Variants in REV3L observed in about 807,000 individuals in gnomAD.
REV3L encodes the protein REV3 like, DNA directed polymerase zeta catalytic subunit.
A neutral mutation model predicts 299.4 loss-of-function variants in REV3L; 69 were observed. The observed-to-expected ratio is 0.23, with a 90% CI of 0.19 to 0.28. The LOEUF is 0.28. REV3L is among the 10% of genes least tolerant of loss of function. REV3L has a pLI of 1.00. For missense variants in REV3L, 3,128 were observed against 3,693.8 expected (o/e 0.85, Z 3.97); for synonymous variants, 1,238 against 1,271.4 (o/e 0.97, Z 0.56).
At chr6:111,335,366 T>A in intron 22 of REV3L, 103 bp downstream of exon 22, 1 of 1,254,070 alleles carries the variant, frequency 8.0e-7, no homozygotes, top group Non-Finnish European at 1.1e-6. Flanking sequence ...TATTGATTAG[T>A]TGGTACCAAA....
intron 1 of REV3L, among the ~76,000 whole-genome samples, chr6:111,428,466 C>T (rs936280128): frequency 2.0e-5 from 3 of 151,202 alleles, no homozygotes; most frequent in Non-Finnish European, 4.4e-5. Flanking sequence ...AACTAAATAA[C>T]CTACAAGACA....
intron 24 of REV3L, chr6:111,330,969 T>A: frequency 1.0e-6 from 1 of 984,876 alleles, no homozygotes; most frequent in African/African-American, 1.7e-5. Context: ...ACTTTTGATA[T>A]AGTACACCAG....
chr6:111,400,419 T>C (rs1336118899), intron 4 of REV3L, among the ~76,000 whole-genome samples: 1 of 152,212 alleles, frequency 6.6e-6, no homozygotes, highest in Non-Finnish European at 1.5e-5. Flanking sequence ...CGAATTGTAG[T>C]CATTCTAATA....
intron 1 of REV3L, among the ~76,000 whole-genome samples, chr6:111,473,201 T>G (rs1792460672): frequency 6.7e-6 from 1 of 150,258 alleles, no homozygotes; most frequent in African/African-American, 2.5e-5. Context: ...CCAACCTATT[T>G]AGACTTGAAT....
At position 111,452,942 on chromosome 6, in the gene REV3L, G is replaced by T. The variant is rs76182506; in HGVS notation, c.139+29808C>A. Among the ~76,000 whole-genome samples the T allele has an allele frequency of 1.2e-3, 188 of 152,150 alleles. 5 individuals carry two copies. The South Asian group carries it at 0.038, about 31-fold the overall frequency. On this transcript the variant is annotated intron_variant, in intron 1 of 31. Transcript: ENST00000368802. ...ATGTGGAAATCACTGGAAAGAGCAA[G>T]AAATTGATAAGAATTATGCAGTCAA...
intron 14 of REV3L, among the ~76,000 whole-genome samples, chr6:111,366,293 T>C (rs192612332): frequency 8.5e-5 from 13 of 152,202 alleles, no homozygotes; most frequent in Non-Finnish European, 8.8e-5. Flanking sequence ...AAATGTCAGA[T>C]AGGTAGTTGG....
intron 2 of REV3L, among the ~76,000 whole-genome samples, chr6:111,413,940 G>C (rs930056528): frequency 6.6e-6 from 1 of 151,968 alleles, no homozygotes; most frequent in African/African-American, 2.4e-5. Context: ...AAAACTAAAA[G>C]ATAAAGTAGA....
At chr6:111,442,531 A>C (rs1308468111) in intron 1 of REV3L, among the ~76,000 whole-genome samples, 2 of 152,200 alleles carry the variant, frequency 1.3e-5, no homozygotes, top group African/African-American at 4.8e-5. Context: ...CTATATATTA[A>C]GTATGATTCT....
At chr6:111,443,919 A>G (rs994806332) in intron 1 of REV3L, among the ~76,000 whole-genome samples, 1 of 152,232 alleles carries the variant, frequency 6.6e-6, no homozygotes, top group African/African-American at 2.4e-5. Flanking sequence ...ATTGTTTTAT[A>G]AAAAGGAGTT....
rs766970878 is a variant in REV3L at position 111,376,138 on chromosome 6, T to C, written c.2217A>G (p.Ser739=). 2 of 1,612,938 alleles carry C rather than the reference T, an allele frequency of 1.2e-6. No homozygotes were observed. Among genetic ancestry groups the C allele is most frequent in the East Asian group, 2.2e-5 (1 of 44,870 alleles). ...ACAGTAATTCACAATTTTCAGTAAA[T>C]GATGAAGGGAATAAACTACTCAGAG... ...STALSSLFPS[S]FTENCELLSC... Residue 739 remains serine (S), a synonymous_variant, in exon 13 of 32, where the codon TCA becomes TCG. Transcript: ENST00000368802.
chr6:111,371,983 T>C (rs1779849159), intron 13 of REV3L, among the ~76,000 whole-genome samples: 1 of 152,138 alleles, frequency 6.6e-6, no homozygotes, highest in Non-Finnish European at 1.5e-5. Context: ...CACACCACCA[T>C]ACCCAGCCAC....
rs1016458939 is a variant in REV3L at position 111,307,406 on chromosome 6, G to A, written c.9207C>T (p.Asn3069=). The A allele has an allele frequency of 6.2e-7, 1 of 1,614,110 alleles. No individual in the cohort carries two copies. The change falls in exon 31 of 32, where the codon AAC becomes AAT. Residue 3069 remains asparagine (N), a synonymous_variant. Transcript: ENST00000368802. ...GACGTTCCAACTCCCGGATTTCTTG[G>A]TTGAGGATGACTGCAACATGCTGAG... The part of the protein sequence containing the change: ...SQPQHVAVIL[N]QEIRELERQQ...
intron 4 of REV3L, among the ~76,000 whole-genome samples, chr6:111,402,125 A>T (rs1432743704): frequency 1.3e-5 from 2 of 152,078 alleles, no homozygotes; most frequent in Non-Finnish European, 2.9e-5. Context: ...AGAAAAAAAT[A>T]ATAAAAAATA....
At chr6:111,329,985 C>T (rs1041428197) in intron 24 of REV3L, among the ~76,000 whole-genome samples, 2 of 152,176 alleles carry the variant, frequency 1.3e-5, no homozygotes, top group African/African-American at 4.8e-5. Flanking sequence ...AGTTCAGAGA[C>T]CTCCAGGGAG....
intron 1 of REV3L, chr6:111,431,372 C>G: frequency 2.0e-6 from 2 of 975,706 alleles, no homozygotes; most frequent in South Asian, 1.3e-5. Context: ...TACTTCAAGA[C>G]AGGCTCATAG....
At chr6:111,391,883 G>C (rs1254056532) in intron 5 of REV3L, among the ~76,000 whole-genome samples, 2 of 152,194 alleles carry the variant, frequency 1.3e-5, no homozygotes, top group Non-Finnish European at 2.9e-5. Flanking sequence ...TAGATTCTTG[G>C]GAGGCTAAGG....
chr6:111,305,052 C>G (rs1772118888), intron 31 of REV3L, among the ~76,000 whole-genome samples: 1 of 151,922 alleles, frequency 6.6e-6, no homozygotes, highest in African/African-American at 2.4e-5. Flanking sequence ...AGCGATTCTC[C>G]TGCCTCAGCC....
intron 16 of REV3L, among the ~76,000 whole-genome samples, chr6:111,362,435 G>C (rs1466855402): frequency 6.6e-6 from 1 of 152,032 alleles, no homozygotes; most frequent in African/African-American, 2.4e-5. Flanking sequence ...ACTTAAAGGT[G>C]GTTACTAATC....
rs544350330 is a variant in REV3L, at chr6:111,350,091, T to C, written c.7301-755A>G. Among the ~76,000 whole-genome samples, 3 of 152,316 alleles carry C rather than the reference T, an allele frequency of 2.0e-5. No homozygotes were observed. The East Asian group carries it at 5.8e-4, about 29-fold the overall frequency. On this transcript the variant is annotated intron_variant, in intron 19 of 31. Transcript: ENST00000368802. ...AAGGTTTATTATGTTCTAAGAATTT[T>C]ACCAACATCATTTATTTTAATACAA... is the stretch of plus-strand genomic sequence containing the variant.
Sources: gnomAD v4.1 joint callset for allele counts (sites outside exome capture counted in the v4.1 genomes callset) on GRCh38, gnomAD v4.1.1 for gene constraint, MANE v1.5 for transcripts, NCBI Gene and HGNC (gene_info 2026-07-23, HGNC 2026-07-21) for gene names.